Variants in TAFA1 observed in about 807,000 individuals in gnomAD.
The protein encoded by TAFA1 is chemokine-like protein TAFA-1.
Under a neutral mutation model 18.5 loss-of-function variants are expected in TAFA1, and 4 were observed. That is an observed-to-expected ratio of 0.22 (90% CI 0.11 to 0.49). The LOEUF is 0.49. Ranked by LOEUF, TAFA1 falls within the 20% of genes least tolerant of loss-of-function variation. TAFA1 has a pLI of 0.98. For missense variants in TAFA1, 147 were observed against 169.0 expected, an observed-to-expected ratio of 0.87 and a Z score of 0.72; for synonymous variants, 56 against 55.2, an observed-to-expected ratio of 1.01 and a Z score of -0.06.
chr3:68,220,696 G>T (rs2066718584), intron 2 of TAFA1, among the ~76,000 whole-genome samples: 1 of 152,106 alleles, frequency 6.6e-6, no homozygotes, highest in African/African-American at 2.4e-5. Context: ...AAGGAGTTTG[G>T]CTCTCTCAGT....
At position 68,073,752 on chromosome 3, in the gene TAFA1, G is replaced by A. The variant is rs2064786944; in HGVS notation, c.118+67008G>A. On this transcript the variant is annotated intron_variant, in intron 2 of 4. Coordinates refer to ENST00000478136, the MANE Select transcript of TAFA1 (RefSeq NM_213609.4). ...AGTAGCAGCAGCCACAGCAGTGGTA[G>A]GAGTAGCTACAGTAGAAAGGCAGGG... Among the ~76,000 whole-genome samples, 3 of 152,244 alleles carry A rather than the reference G, an allele frequency of 2.0e-5. No homozygotes were observed. The South Asian group carries it at 6.2e-4, about 32-fold the overall frequency.
intron 2 of TAFA1, among the ~76,000 whole-genome samples, chr3:68,269,696 G>A (rs2067624598): frequency 1.3e-5 from 2 of 151,394 alleles, no homozygotes; most frequent in Non-Finnish European, 2.9e-5. Flanking sequence ...CCAAGATAGT[G>A]GGATCACCAG....
intron 2 of TAFA1, among the ~76,000 whole-genome samples, chr3:68,081,710 C>G (rs1279994605): frequency 6.6e-6 from 1 of 152,180 alleles, no homozygotes; most frequent in African/African-American, 2.4e-5. Context: ...CCACTGCTCT[C>G]GTCAAAGCTG....
chr3:68,281,318 T>A (rs554585845), intron 2 of TAFA1, among the ~76,000 whole-genome samples: 1 of 151,916 alleles, frequency 6.6e-6, no homozygotes, highest in South Asian at 2.1e-4. Context: ...CTATACCATG[T>A]TTTTTTTGAG....
chr3:68,239,166 G>A (rs1311057751), intron 2 of TAFA1, among the ~76,000 whole-genome samples: 1 of 152,026 alleles, frequency 6.6e-6, no homozygotes, highest in African/African-American at 2.4e-5. Flanking sequence ...CAAATAGTAA[G>A]GAATCTTCTT....
At chr3:68,485,424 C>A (rs1424737974) in intron 3 of TAFA1, among the ~76,000 whole-genome samples, 1 of 152,158 alleles carries the variant, frequency 6.6e-6, no homozygotes, top group East Asian at 1.9e-4. Flanking sequence ...CAGGAAAAGT[C>A]CATCATTTTT....
At chr3:68,227,638 A>G (rs557847145) in intron 2 of TAFA1, among the ~76,000 whole-genome samples, 28 of 152,358 alleles carry the variant, frequency 1.8e-4, no homozygotes, top group African/African-American at 6.7e-4. Context: ...GAAAGACTGA[A>G]TAGAAGATGG....
At chr3:68,078,294 C>T (rs577875216) in intron 2 of TAFA1, among the ~76,000 whole-genome samples, 3 of 151,428 alleles carry the variant, frequency 2.0e-5, no homozygotes, top group Admixed American at 1.3e-4. Flanking sequence ...TAATTGAATA[C>T]CCTTTATTTC....
Position 68,493,280 on chromosome 3 carries a change from A to G in TAFA1, c.260-45476A>G, listed in dbSNP as rs556590180. Among the ~76,000 whole-genome samples the G allele has an allele frequency of 4.6e-5, 7 of 152,324 alleles. No individual in the cohort carries two copies. In the South Asian group the frequency reaches 1.2e-3, roughly 27 times the overall value. On this transcript the variant is annotated intron_variant, in intron 3 of 4. Transcript: ENST00000478136. The stretch of plus-strand genomic sequence containing the variant: ...ATGTCTGGCTTATTTCACTTAGCAT[A>G]AAGTCCTCAAGGTATATCTATGTTG...
intron 2 of TAFA1, among the ~76,000 whole-genome samples, chr3:68,187,266 A>G (rs572188548): frequency 1.3e-5 from 2 of 152,150 alleles, no homozygotes; most frequent in South Asian, 4.2e-4. Flanking sequence ...TAAAAAAAGA[A>G]TTGTACAAAT....
At chr3:68,096,898 T>C (rs751649577) in intron 2 of TAFA1, among the ~76,000 whole-genome samples, 3 of 152,068 alleles carry the variant, frequency 2.0e-5, no homozygotes, top group South Asian at 2.1e-4. Context: ...AGCAATCAGA[T>C]AGATTGGAGA....
At chr3:68,235,940 A>C (rs2066923031) in intron 2 of TAFA1, among the ~76,000 whole-genome samples, 1 of 152,156 alleles carries the variant, frequency 6.6e-6, no homozygotes, top group Admixed American at 6.5e-5. Context: ...CTCTGAAATG[A>C]GCACCATTCT....
intron 2 of TAFA1, among the ~76,000 whole-genome samples, chr3:68,394,652 C>T (rs1222265869): frequency 6.6e-6 from 1 of 152,022 alleles, no homozygotes; most frequent in Non-Finnish European, 1.5e-5. Flanking sequence ...TAACACTATG[C>T]ATCTACAAGT....
intron 3 of TAFA1, among the ~76,000 whole-genome samples, chr3:68,425,634 T>C (rs1282390177): frequency 6.6e-6 from 1 of 151,958 alleles, no homozygotes; most frequent in Non-Finnish European, 1.5e-5. Flanking sequence ...ACAAGAACTG[T>C]CAAAGCTTTT....
At chr3:68,162,832 T>C (rs1403203898) in intron 2 of TAFA1, among the ~76,000 whole-genome samples, 1 of 152,214 alleles carries the variant, frequency 6.6e-6, no homozygotes, top group African/African-American at 2.4e-5. Context: ...TGCTTTCTAG[T>C]GCACTCTATG....
chr3:68,148,203 A>C (rs750359503), intron 2 of TAFA1, among the ~76,000 whole-genome samples: 23 of 152,190 alleles, frequency 1.5e-4, no homozygotes, highest in Non-Finnish European at 3.1e-4. Context: ...AATGGGTCCT[A>C]TCTGAAGATG....
chr3:68,049,191 C>T (rs1210816164), intron 2 of TAFA1, among the ~76,000 whole-genome samples: 1 of 152,114 alleles, frequency 6.6e-6, no homozygotes, highest in Non-Finnish European at 1.5e-5. Context: ...TGCTGAAGTT[C>T]ATAGAAATTT....
chr3:68,066,813 G>A (rs2064684196), intron 2 of TAFA1, among the ~76,000 whole-genome samples: 3 of 152,158 alleles, frequency 2.0e-5, no homozygotes, highest in Admixed American at 6.5e-5. Context: ...GCTGAATTCA[G>A]GACAGAGAGG....
chr3:68,274,550 C>A (rs61086473), intron 2 of TAFA1, among the ~76,000 whole-genome samples: 1,734 of 152,286 alleles, frequency 0.011, 24 homozygotes, highest in African/African-American at 0.04. Flanking sequence ...CAAGACACAG[C>A]CTGCTTTGGC....
Sources: allele counts gnomAD v4.1 joint callset (sites outside exome capture counted in the v4.1 genomes callset), GRCh38; gene constraint gnomAD v4.1.1; transcripts MANE v1.5; gene names NCBI Gene and HGNC (gene_info 2026-07-23, HGNC 2026-07-21).